Variants in COG5 observed in about 807,000 individuals in gnomAD.
COG5 encodes conserved oligomeric Golgi complex subunit 5.
COG5 carries 86 observed loss-of-function variants against 110.4 expected under a neutral mutation model. The ratio of observed to expected loss-of-function variants is 0.78; its 90% CI spans 0.65 to 0.93. COG5 has a LOEUF of 0.93. Ranked by LOEUF, COG5 falls within the 40% of genes least tolerant of loss-of-function variation. The pLI, the probability that COG5 is intolerant of heterozygous loss-of-function variation, is 0.00. For missense variants in COG5, 1,077 were observed against 987.0 expected (o/e 1.09, Z -1.22); for synonymous variants, 360 against 334.6 (o/e 1.08, Z -0.83).
At chr7:107,562,779 C>T (rs950952003) in intron 1 of COG5, among the ~76,000 whole-genome samples, 1 of 152,150 alleles carries the variant, frequency 6.6e-6, no homozygotes, top group Non-Finnish European at 1.5e-5. Context: ...AAATATTTAA[C>T]AGTCAGAGAA....
At chr7:107,342,810 G>T (rs1014783048) in intron 10 of COG5, among the ~76,000 whole-genome samples, 3 of 152,154 alleles carry the variant, frequency 2.0e-5, no homozygotes, top group Non-Finnish European at 4.4e-5. Flanking sequence ...GCAATTTGAA[G>T]ATTTCTCAAA....
intron 12 of COG5, among the ~76,000 whole-genome samples, chr7:107,286,953 T>C (rs1478822808): frequency 2.0e-5 from 3 of 152,120 alleles, no homozygotes; most frequent in Non-Finnish European, 4.4e-5. Context: ...TATGTCAGCA[T>C]AAAAAATATA....
chr7:107,498,530 A>G (rs1008601438), intron 6 of COG5, among the ~76,000 whole-genome samples: 2 of 152,210 alleles, frequency 1.3e-5, no homozygotes, highest in Non-Finnish European at 2.9e-5. Flanking sequence ...GATCATTAAT[A>G]TCTGACCAGT....
chr7:107,499,958 A>G (rs1013613103), intron 6 of COG5, among the ~76,000 whole-genome samples: 33 of 152,126 alleles, frequency 2.2e-4, no homozygotes, highest in Admixed American at 8.5e-4. Flanking sequence ...ACCATTACGT[A>G]AAGGAATGAA....
At chr7:107,548,654 G>A (rs1429015079) in intron 3 of COG5, among the ~76,000 whole-genome samples, 1 of 152,116 alleles carries the variant, frequency 6.6e-6, no homozygotes, top group Non-Finnish European at 1.5e-5. Flanking sequence ...TGTACTTAAT[G>A]CCACTGAATT....
intron 6 of COG5, among the ~76,000 whole-genome samples, chr7:107,414,053 G>A (rs1273725239): frequency 6.6e-6 from 1 of 152,140 alleles, no homozygotes; most frequent in Admixed American, 6.5e-5. Context: ...GTATTCCTCC[G>A]ATATTCTTCC....
At chr7:107,294,920 TGTG>T (rs1806506930) in intron 12 of COG5, among the ~76,000 whole-genome samples, 1 of 95,436 alleles carries the variant, frequency 1.0e-5, no homozygotes, top group South Asian at 3.4e-4. Context: ...TGTGTGTGTG[TGTG>T]TATATATACA....
intron 10 of COG5, among the ~76,000 whole-genome samples, chr7:107,329,704 C>A (rs554179204): frequency 1.3e-5 from 2 of 150,712 alleles, no homozygotes; most frequent in South Asian, 2.1e-4. Flanking sequence ...CCATCCTTGG[C>A]AACAGCGAGA....
At chr7:107,285,688 G>T (rs1400140983) in intron 12 of COG5, among the ~76,000 whole-genome samples, 35 of 151,786 alleles carry the variant, frequency 2.3e-4, no homozygotes. Context: ...ATATAGTAGA[G>T]AACTTGCTTT....
At chr7:107,465,980 A>G (rs1023230789) in intron 6 of COG5, among the ~76,000 whole-genome samples, 4 of 152,180 alleles carry the variant, frequency 2.6e-5, no homozygotes, top group East Asian at 1.9e-4. Flanking sequence ...TAGTTGATCA[A>G]TGGACTTGGC....
At chr7:107,342,615 T>C (rs762867421) in intron 10 of COG5, among the ~76,000 whole-genome samples, 3 of 151,962 alleles carry the variant, frequency 2.0e-5, no homozygotes, top group East Asian at 1.9e-4. Flanking sequence ...GAAGTACAGA[T>C]TGCAGTAAGC....
chr7:107,523,534 G>C (rs1800486009), intron 6 of COG5, among the ~76,000 whole-genome samples: 1 of 152,086 alleles, frequency 6.6e-6, no homozygotes, highest in African/African-American at 2.4e-5. Context: ...GTAAACATTG[G>C]CTGGGCGCGG....
In COG5 at chr7:107,527,298, T is replaced by A. The variant is rs760552427; in HGVS notation, c.477A>T (p.Gln159His). The A allele has an allele frequency of 1.2e-6, 2 of 1,612,856 alleles. No individual in the cohort carries two copies. Among genetic ancestry groups the A allele is most frequent in the African/African-American group, 2.7e-5 (2 of 74,894 alleles). The change falls in exon 6 of 22, where the codon CAA becomes CAT. Residue 159 changes from glutamine to histidine, a missense_variant. By Grantham distance (24) the Gln-to-His change is conservative. Transcript: ENST00000297135. ...CTCTACTTCCCCCTTGCAGTTGTCC[T>A]TGGAGTCTCTTACTGAGATTCAAGA... ...IRILNLSKRLQGQLQGGSREI... is the reference protein window; with the variant it reads ...IRILNLSKRLHGQLQGGSREI...
chr7:107,259,691 T>C (rs932734118), intron 14 of COG5, among the ~76,000 whole-genome samples: 6 of 152,148 alleles, frequency 3.9e-5, no homozygotes, highest in African/African-American at 1.2e-4. Flanking sequence ...CTTACTTCTC[T>C]TGAGATTCTC....
intron 16 of COG5, 122 bp downstream of exon 16, chr7:107,256,610 C>T (rs895830135): frequency 7.3e-6 from 5 of 685,890 alleles, no homozygotes; most frequent in African/African-American, 5.4e-5. Context: ...TAATTATCAA[C>T]ATGCTACTTT....
intron 19 of COG5, among the ~76,000 whole-genome samples, chr7:107,216,976 C>T (rs1389580080): frequency 1.3e-5 from 2 of 151,628 alleles, no homozygotes; most frequent in Non-Finnish European, 2.9e-5. Context: ...TTGACAAACC[C>T]TTAACTAGAC....
At chr7:107,384,346 C>T (rs1236692409) in intron 7 of COG5, among the ~76,000 whole-genome samples, 1 of 152,160 alleles carries the variant, frequency 6.6e-6, no homozygotes, top group Non-Finnish European at 1.5e-5. Context: ...GAGGGGGTCC[C>T]TGGAGAAACT....
intron 5 of COG5, among the ~76,000 whole-genome samples, chr7:107,541,729 G>A (rs1357868843): frequency 1.3e-5 from 2 of 150,450 alleles, no homozygotes; most frequent in African/African-American, 4.9e-5. Context: ...TCAGAAGTTC[G>A]AGACCAGCCT....
intron 7 of COG5, among the ~76,000 whole-genome samples, chr7:107,393,968 A>ATT (rs72462959): frequency 6.7e-6 from 1 of 148,302 alleles, no homozygotes; most frequent in African/African-American, 2.5e-5. Flanking sequence ...ATTTATTATT[A>ATT]TTTTTTTTTT....
Sources: gnomAD v4.1 joint callset for allele counts (sites outside exome capture counted in the v4.1 genomes callset) on GRCh38, gnomAD v4.1.1 for gene constraint, MANE v1.5 for transcripts, NCBI Gene and HGNC (gene_info 2026-07-23, HGNC 2026-07-21) for gene names.